PPP4R1: variants seen among roughly 807,000 people sequenced by gnomAD.
The protein encoded by PPP4R1 is protein phosphatase 4 regulatory subunit 1.
A neutral mutation model predicts 111.2 loss-of-function variants in PPP4R1; 42 were observed. That is an observed-to-expected ratio of 0.38 (90% CI 0.29 to 0.49). The LOEUF is 0.49. PPP4R1 is among the 20% of genes least tolerant of loss of function. PPP4R1 has a pLI of 0.97. For missense variants in PPP4R1, 1,012 were observed against 1,161.6 expected (o/e 0.87, Z 1.87); for synonymous variants, 409 against 405.5 (o/e 1.01, Z -0.10).
intron 2 of PPP4R1, among the ~76,000 whole-genome samples, chr18:9,607,819 G>A (rs1476441619): frequency 7.4e-6 from 1 of 135,666 alleles, no homozygotes; most frequent in South Asian, 2.3e-4. Context: ...AGTTTCGCTC[G>A]TTGCCCAGGC....
chr18:9,590,969 T>C (rs1434858650), intron 4 of PPP4R1, among the ~76,000 whole-genome samples: 1 of 152,096 alleles, frequency 6.6e-6, no homozygotes, highest in Non-Finnish European at 1.5e-5. Context: ...ATAAATGACA[T>C]ACGGCTCATA....
At chr18:9,556,033 C>G (rs1452224675) in intron 15 of PPP4R1, among the ~76,000 whole-genome samples, 2 of 150,872 alleles carry the variant, frequency 1.3e-5, no homozygotes, top group Non-Finnish European at 3.0e-5. Flanking sequence ...TAGTGGCACG[C>G]ACCTGTAGTC....
intron 15 of PPP4R1, among the ~76,000 whole-genome samples, chr18:9,555,950 C>T (rs573997825): frequency 8.0e-5 from 12 of 150,788 alleles, no homozygotes; most frequent in East Asian, 4.1e-4. Flanking sequence ...TCCTGGCCAA[C>T]ACGGTGAAAC....
intron 9 of PPP4R1, among the ~76,000 whole-genome samples, chr18:9,580,514 T>C (rs2067011175): frequency 6.6e-6 from 1 of 152,118 alleles, no homozygotes; most frequent in African/African-American, 2.4e-5. Context: ...CACACCCGGC[T>C]AATTTTTTGT....
intron 16 of PPP4R1, among the ~76,000 whole-genome samples, chr18:9,553,026 G>A (rs746675370): frequency 1.3e-5 from 2 of 152,176 alleles, no homozygotes; most frequent in Non-Finnish European, 2.9e-5. Flanking sequence ...ACTAGATAGA[G>A]GGAATGGTTC....
At chr18:9,577,986 T>C (rs139538619) in intron 9 of PPP4R1, among the ~76,000 whole-genome samples, 274 of 152,374 alleles carry the variant, frequency 1.8e-3, no homozygotes, top group African/African-American at 6.2e-3. Flanking sequence ...ACTTAAAGTA[T>C]GTCACAAAGA....
At chr18:9,562,172 G>A (rs561270536) in intron 12 of PPP4R1, 97 bp from the exon 13 acceptor site, 1 of 832,272 alleles carries the variant, frequency 1.2e-6, no homozygotes, top group African/African-American at 1.7e-5. Context: ...ACTGCCAAAA[G>A]TAATAAACAT....
chr18:9,607,625 T>C (rs1418496185), intron 2 of PPP4R1, among the ~76,000 whole-genome samples: 2 of 152,024 alleles, frequency 1.3e-5, no homozygotes, highest in Non-Finnish European at 2.9e-5. Context: ...AGCCACAAAT[T>C]AATACTATTA....
chr18:9,617,165 T>A (rs916965648), upstream of PPP4R1: 1 of 152,228 alleles, frequency 6.6e-6, no homozygotes, highest in Non-Finnish European at 1.5e-5. Context: ...ATGGCAGAGC[T>A]GTGTGTTGTC....
chr18:9,586,130 TAAG>T (rs1047059885), intron 6 of PPP4R1, among the ~76,000 whole-genome samples: 2 of 151,824 alleles, frequency 1.3e-5, no homozygotes, highest in Non-Finnish European at 2.9e-5. Context: ...TTATTTTTAT[TAAG>T]AAATTAATTT....
chr18:9,613,125 C>T (rs2067611325), intron 2 of PPP4R1, among the ~76,000 whole-genome samples: 1 of 152,208 alleles, frequency 6.6e-6, no homozygotes, highest in Admixed American at 6.5e-5. Flanking sequence ...ATCCGGTAGG[C>T]TTTCCACTAA....
chr18:9,577,248 G>T, intron 9 of PPP4R1, 57 bp from the exon 10 acceptor site: 2 of 1,470,136 alleles, frequency 1.4e-6, no homozygotes, highest in Non-Finnish European at 1.9e-6. Context: ...AATTATATAC[G>T]CACACATTAT....
At position 9,614,290 on chromosome 18, in the gene PPP4R1, G is replaced by A. The variant is rs758318269; in HGVS notation, c.8-20C>T. The stretch of plus-strand genomic sequence containing the variant: ...AGAGGTCTGCGCCGAGGGGAGAGAA[G>A]AAAGGCCCGGTCAGCGCCCCGGGGC... On this transcript the variant is annotated intron_variant, in intron 1 of 19. Transcript: ENST00000400556. The surrounding 1 kb of genome is among the most constrained non-coding windows in gnomAD (Gnocchi z 4.1). 16 of 1,273,318 alleles carry A rather than the reference G, an allele frequency of 1.3e-5. No homozygotes were observed. The highest frequency in any genetic ancestry group is 2.2e-5 in the South Asian group (1 of 44,810). 78.9% of individuals were successfully genotyped at this position (1,273,318 alleles called of 1,614,324 possible).
chr18:9,554,091 T>C (rs2144991647), intron 15 of PPP4R1, among the ~76,000 whole-genome samples: 1 of 152,264 alleles, frequency 6.6e-6, no homozygotes, highest in South Asian at 2.1e-4. Context: ...ATTCTGAAAC[T>C]ATTTCATTTA....
In PPP4R1 at chr18:9,564,375, C is replaced by T. The variant is rs149340428; in HGVS notation, c.1574-825G>A. ...CAATCAGTAACTATTTTAAGATAATCTATTATGCTGCAGCATTTATAAAAT... is the reference window on the plus strand; with the variant it reads ...CAATCAGTAACTATTTTAAGATAATTTATTATGCTGCAGCATTTATAAAAT... On this transcript the variant is annotated intron_variant, in intron 11 of 19. Transcript: ENST00000400556. Among the ~76,000 whole-genome samples the T allele has an allele frequency of 1.5e-3, 224 of 152,258 alleles. 3 individuals are homozygous for T. Among genetic ancestry groups the T allele is most frequent in the Non-Finnish European group, 2.0e-3 (133 of 68,026 alleles).
chr18:9,570,151 C>T lies in PPP4R1; in HGVS notation c.1573+6G>A. On this transcript the variant is annotated splice_donor_region_variant and intron_variant, in intron 11 of 19. Transcript: ENST00000400556. The stretch of plus-strand genomic sequence containing the variant: ...TCAGAATAAATAACTTGATTGACTT[C>T]CATACCTTTAACATCTGGATCATCA... 2 of 1,491,424 alleles carry T rather than the reference C, an allele frequency of 1.3e-6. No individual in the cohort carries two copies. Among genetic ancestry groups the T allele is most frequent in the Non-Finnish European group, 1.8e-6 (2 of 1,120,370 alleles). 92.4% of individuals were successfully genotyped at this position (1,491,424 alleles called of 1,614,324 possible). A position where few individuals can be genotyped will look rare whatever the true frequency, so the allele number is the denominator to read the frequency against.
chr18:9,589,647 C>G (rs2067178113), intron 4 of PPP4R1: 1 of 152,052 alleles, frequency 6.6e-6, no homozygotes, highest in Non-Finnish European at 1.5e-5. Context: ...GCCTGTAATC[C>G]CAGCACTTTG....
chr18:9,611,839 C>T (rs945624160), intron 2 of PPP4R1, among the ~76,000 whole-genome samples: 2 of 151,472 alleles, frequency 1.3e-5, no homozygotes, highest in Admixed American at 6.6e-5. Context: ...TGGAGAAACC[C>T]CGTCTCTACT....
chr18:9,611,216 G>C (rs62088909), intron 2 of PPP4R1, among the ~76,000 whole-genome samples: 8,448 of 152,038 alleles, frequency 0.056, 303 homozygotes, highest in Middle Eastern at 0.092. Context: ...CCATCCCAAG[G>C]GCCAACTTAC....
Sources: allele counts gnomAD v4.1 joint callset (sites outside exome capture counted in the v4.1 genomes callset), GRCh38; gene constraint gnomAD v4.1.1; non-coding constraint Gnocchi (gnomAD v3.1); transcripts MANE v1.5; gene names NCBI Gene and HGNC (gene_info 2026-07-23, HGNC 2026-07-21).